Variants in DLG2 observed in about 807,000 individuals in gnomAD.
DLG2 encodes the protein discs large MAGUK scaffold protein 2, also known as disks large homolog 2.
A neutral mutation model predicts 132.5 loss-of-function variants in DLG2; 45 were observed. The ratio of observed to expected loss-of-function variants is 0.34; its 90% confidence interval spans 0.27 to 0.44. The LOEUF (loss-of-function observed/expected upper bound fraction) is 0.44, where lower values mean the gene tolerates loss of function less well. Among genes scored for constraint, DLG2 ranks in the 20% least tolerant of loss-of-function variants. The probability of loss-of-function intolerance (pLI) is 1.00; values close to 1 mark genes in which losing one functional copy is unlikely to be tolerated. For synonymous variants in DLG2, 424 were observed against 419.6 expected (o/e 1.01, Z -0.13); for missense variants, 1,045 against 1,196.9 (o/e 0.87, Z 1.87).
At chr11:85,310,763 G>C (rs1565305490) in intron 3 of DLG2, among the ~76,000 whole-genome samples, 1 of 152,108 alleles carries the variant, frequency 6.6e-6, no homozygotes, top group African/African-American at 2.4e-5. Context: ...TATATCTGAT[G>C]CTATAATAGG....
At chr11:83,506,688 T>C (rs1212318313) in intron 21 of DLG2, among the ~76,000 whole-genome samples, 1 of 152,134 alleles carries the variant, frequency 6.6e-6, no homozygotes, top group Non-Finnish European at 1.5e-5. Flanking sequence ...CTACTGGGGA[T>C]GGGGAAGCTG....
Position 85,598,712 on chromosome 11 carries a change from AT to A in DLG2, c.-17del. ...AGATACCCATCACCTTTTTAACCGC[AT>A]TTTTCAACAGCTGCTCCTCTGGTTT... is the stretch of plus-strand genomic sequence containing the variant. On this transcript the variant is annotated 5_prime_UTR_variant, in exon 3 of 28. In the 5' UTR this introduces an upstream ATG that the reference lacks. Transcript: ENST00000376104. 8 of 1,577,546 alleles carry A rather than the reference AT, an allele frequency of 5.1e-6. No individual in the cohort carries two copies. The highest frequency in any genetic ancestry group is 2.8e-5 in the African/African-American group (2 of 72,702).
At chr11:83,676,397 G>A (rs1014449389) in intron 18 of DLG2, among the ~76,000 whole-genome samples, 1 of 152,150 alleles carries the variant, frequency 6.6e-6, no homozygotes, top group African/African-American at 2.4e-5. Context: ...CTTTACTGAT[G>A]TACTTTTAAG....
chr11:83,479,142 G>A (rs866065778), intron 22 of DLG2, among the ~76,000 whole-genome samples: 3 of 151,216 alleles, frequency 2.0e-5, no homozygotes, highest in South Asian at 2.1e-4. Flanking sequence ...TCAATCTAAC[G>A]TTTGATTGAC....
At chr11:84,136,383 C>T (rs1236338170) in intron 9 of DLG2, among the ~76,000 whole-genome samples, 2 of 152,126 alleles carry the variant, frequency 1.3e-5, no homozygotes, top group South Asian at 2.1e-4. Context: ...ATGAAGATAA[C>T]AAAAGGTAAA....
intron 6 of DLG2, among the ~76,000 whole-genome samples, chr11:84,616,610 A>G (rs35753050): frequency 6.6e-6 from 1 of 152,252 alleles, no homozygotes; most frequent in South Asian, 2.1e-4. Context: ...CAGAAAACCC[A>G]CAATATAGTT....
chr11:83,743,072 T>G (rs774995243), intron 18 of DLG2, among the ~76,000 whole-genome samples: 8 of 152,152 alleles, frequency 5.3e-5, no homozygotes, highest in Admixed American at 5.2e-4. Flanking sequence ...TAAAAAGAAA[T>G]GGATCTATCC....
intron 4 of DLG2, among the ~76,000 whole-genome samples, chr11:85,205,161 T>G (rs184670670): frequency 8.0e-4 from 117 of 147,022 alleles, no homozygotes; most frequent in African/African-American, 1.6e-3. Flanking sequence ...TATATATATA[T>G]ATAGATATAT....
intron 14 of DLG2, among the ~76,000 whole-genome samples, chr11:83,942,729 TTTAAA>T (rs2082941109): frequency 6.6e-6 from 1 of 152,234 alleles, no homozygotes; most frequent in South Asian, 2.1e-4. Context: ...TTTTTTGTAT[TTTAAA>T]TTAATTTTTT....
chr11:84,347,053 A>G (rs1156934127), intron 7 of DLG2, among the ~76,000 whole-genome samples: 1 of 152,200 alleles, frequency 6.6e-6, no homozygotes, highest in African/African-American at 2.4e-5. Flanking sequence ...AAAAGGTCAC[A>G]TACAGCCATC....
intron 2 of DLG2, among the ~76,000 whole-genome samples, chr11:85,611,778 T>C (rs959934816): frequency 6.6e-6 from 1 of 152,216 alleles, no homozygotes; most frequent in Admixed American, 6.5e-5. Context: ...CCCCATTAAA[T>C]ACCACAAGGA....
chr11:84,655,539 A>G (rs1427894052), intron 6 of DLG2, among the ~76,000 whole-genome samples: 1 of 152,206 alleles, frequency 6.6e-6, no homozygotes, highest in Non-Finnish European at 1.5e-5. Context: ...GAAAAGAAAT[A>G]TTCAGAAGAA....
chr11:85,455,770 T>C (rs2092401872), intron 3 of DLG2, among the ~76,000 whole-genome samples: 1 of 152,206 alleles, frequency 6.6e-6, no homozygotes, highest in African/African-American at 2.4e-5. Flanking sequence ...TTTGCATCTA[T>C]TGAGATAATC....
At chr11:83,812,387 C>T (rs913435192) in intron 17 of DLG2, among the ~76,000 whole-genome samples, 20 of 152,138 alleles carry the variant, frequency 1.3e-4, no homozygotes, top group African/African-American at 4.8e-4. Flanking sequence ...ATCTAGTCCA[C>T]ATTTATTGAA....
chr11:85,491,917 A>C (rs1234823483), intron 3 of DLG2, among the ~76,000 whole-genome samples: 2 of 149,356 alleles, frequency 1.3e-5, no homozygotes, highest in African/African-American at 2.6e-5. Flanking sequence ...GAAACTACAA[A>C]AGGCCCTGAA....
chr11:84,665,815 G>GA (rs2099699213), intron 6 of DLG2, among the ~76,000 whole-genome samples: 1 of 152,114 alleles, frequency 6.6e-6, no homozygotes, highest in South Asian at 2.1e-4. Flanking sequence ...TCAATGATCA[G>GA]AAAAAGTGTG....
intron 7 of DLG2, among the ~76,000 whole-genome samples, chr11:84,262,431 G>A (rs1166253980): frequency 1.3e-5 from 2 of 152,150 alleles, no homozygotes; most frequent in Non-Finnish European, 2.9e-5. Flanking sequence ...GATAAAATGT[G>A]AGAATATATC....
At chr11:83,933,650 G>T (rs899112488) in intron 14 of DLG2, among the ~76,000 whole-genome samples, 2 of 152,176 alleles carry the variant, frequency 1.3e-5, no homozygotes, top group Admixed American at 1.3e-4. Flanking sequence ...TTGGAGGGAG[G>T]TGCTTCATCT....
intron 19 of DLG2, among the ~76,000 whole-genome samples, chr11:83,618,615 T>C (rs7116964): frequency 0.033 from 5,021 of 152,230 alleles, 295 homozygotes; most frequent in African/African-American, 0.11. Flanking sequence ...AAGCCAGGAT[T>C]TAAGGCCAGG....
Sources: allele counts gnomAD v4.1 joint callset (sites outside exome capture counted in the v4.1 genomes callset), GRCh38; gene constraint gnomAD v4.1.1; transcripts MANE v1.5; gene names NCBI Gene and HGNC (gene_info 2026-07-23, HGNC 2026-07-21).